Variants in MB21D2 observed in about 807,000 individuals in gnomAD.
The protein encoded by MB21D2 is Mab-21 domain containing 2, also known as nucleotidyltransferase MB21D2.
In MB21D2, 9 loss-of-function variants were observed where a neutral mutation model predicts 33.3. The ratio of observed to expected loss-of-function variants is 0.27; its 90% CI spans 0.16 to 0.47. MB21D2 has a LOEUF of 0.47. Ranked by LOEUF, MB21D2 falls within the 20% of genes least tolerant of loss-of-function variation. The probability of loss-of-function intolerance (pLI) is 0.99; values close to 1 mark genes in which losing one functional copy is unlikely to be tolerated. For synonymous variants in MB21D2, 241 were observed against 236.3 expected, an observed-to-expected ratio of 1.02 and a Z score of -0.18; for missense variants, 540 against 624.6, an observed-to-expected ratio of 0.86 and a Z score of 1.44.
chr3:192,849,893 G>A (rs940802392), intron 1 of MB21D2, among the ~76,000 whole-genome samples: 2 of 151,150 alleles, frequency 1.3e-5, no homozygotes, highest in African/African-American at 2.4e-5. Context: ...TAAACTGTCA[G>A]AGACAGAAAC....
chr3:192,898,183 C>A (rs1431168208), intron 1 of MB21D2, among the ~76,000 whole-genome samples: 1 of 148,392 alleles, frequency 6.7e-6, no homozygotes. Context: ...AAAAAAAAAA[C>A]TGACAGCAAA....
intron 1 of MB21D2, among the ~76,000 whole-genome samples, chr3:192,865,939 G>A (rs903769470): frequency 1.4e-4 from 22 of 152,106 alleles, no homozygotes; most frequent in Non-Finnish European, 3.1e-4. Context: ...CAGCCACTCT[G>A]GAAGCTGAGG....
At chr3:192,821,297 G>A (rs766577752) in intron 1 of MB21D2, among the ~76,000 whole-genome samples, 7 of 152,182 alleles carry the variant, frequency 4.6e-5, no homozygotes, top group Non-Finnish European at 1.0e-4. Flanking sequence ...CAGTGGATCT[G>A]ATAGCTGAAC....
chr3:192,904,530 G>A (rs572383598), intron 1 of MB21D2, among the ~76,000 whole-genome samples: 2 of 151,628 alleles, frequency 1.3e-5, no homozygotes, highest in South Asian at 2.1e-4. Context: ...CCTTGGCTGC[G>A]GTTCTTAAAG....
intron 1 of MB21D2, among the ~76,000 whole-genome samples, chr3:192,837,650 C>T (rs947629540): frequency 2.6e-5 from 4 of 152,096 alleles, no homozygotes; most frequent in Non-Finnish European, 5.9e-5. Context: ...GAGTCTGGGC[C>T]GTCTGCATCT....
At chr3:192,826,719 T>A (rs985212855) in intron 1 of MB21D2, among the ~76,000 whole-genome samples, 2 of 152,146 alleles carry the variant, frequency 1.3e-5, no homozygotes, top group Non-Finnish European at 2.9e-5. Flanking sequence ...TCTCCCTGCA[T>A]CTCTGGTATT....
intron 1 of MB21D2, among the ~76,000 whole-genome samples, chr3:192,915,423 AT>A (rs993410257): frequency 6.6e-6 from 1 of 152,078 alleles, no homozygotes; most frequent in African/African-American, 2.4e-5. Context: ...CCAGCATCTC[AT>A]TAAAGGAAAG....
chr3:192,878,093 T>G (rs1268264523), intron 1 of MB21D2, among the ~76,000 whole-genome samples: 5 of 140,388 alleles, frequency 3.6e-5, no homozygotes, highest in Admixed American at 2.1e-4. Context: ...TTTTTTTTTT[T>G]TTTTTTTTGG....
chr3:192,817,269 T>TACA (rs1711948051), intron 1 of MB21D2, among the ~76,000 whole-genome samples: 1 of 152,190 alleles, frequency 6.6e-6, no homozygotes, highest in Non-Finnish European at 1.5e-5. Context: ...CATGCAGTGC[T>TACA]TTGTAATGCA....
chr3:192,867,180 A>G (rs1252681457), intron 1 of MB21D2, among the ~76,000 whole-genome samples: 1 of 152,102 alleles, frequency 6.6e-6, no homozygotes. Flanking sequence ...CTGCTCAAAT[A>G]AGGAGCTGTA....
chr3:192,808,946 T>C (rs1420583401), intron 1 of MB21D2, among the ~76,000 whole-genome samples: 3 of 152,030 alleles, frequency 2.0e-5, no homozygotes, highest in African/African-American at 7.3e-5. Context: ...GAGTTTATAG[T>C]ACACATTTGA....
At chr3:192,812,988 C>G (rs575696664) in intron 1 of MB21D2, among the ~76,000 whole-genome samples, 1 of 152,136 alleles carries the variant, frequency 6.6e-6, no homozygotes, top group Non-Finnish European at 1.5e-5. Context: ...TGGGCTTGGA[C>G]GTCTTACAAT....
At chr3:192,898,578 C>G (rs891285174) in intron 1 of MB21D2, among the ~76,000 whole-genome samples, 4 of 152,022 alleles carry the variant, frequency 2.6e-5, no homozygotes, top group African/African-American at 9.7e-5. Context: ...GTGAACCACC[C>G]AATTGCCCAA....
intron 1 of MB21D2, among the ~76,000 whole-genome samples, chr3:192,814,830 A>C (rs1489134004): frequency 1.3e-5 from 2 of 150,346 alleles, no homozygotes; most frequent in Admixed American, 6.7e-5. Flanking sequence ...GTGCCACTGC[A>C]TTCCAGCCTG....
At position 192,838,690 on chromosome 3, in the gene MB21D2, A is replaced by C. The variant is rs528805636; in HGVS notation, c.212-39040T>G. Among the ~76,000 whole-genome samples the C allele has an allele frequency of 2.6e-5, 4 of 152,260 alleles. No individual in the cohort carries two copies. In the South Asian group the frequency reaches 8.3e-4, roughly 32 times the overall value. ...TGATCTGCCCACCTCGGCCTCCCAA[A>C]GTGCTGGGATTACAGGTGTGAGCCA... On this transcript the variant is annotated intron_variant, in intron 1 of 1. Coordinates refer to ENST00000392452, the MANE Select transcript of MB21D2 (RefSeq NM_178496.4).
chr3:192,917,556 C>T (rs1253957518), intron 1 of MB21D2, 74 bp downstream of exon 1: 4 of 1,515,942 alleles, frequency 2.6e-6, no homozygotes, highest in Non-Finnish European at 3.6e-6. Flanking sequence ...GGTCGAGAAG[C>T]GGCAATGGGT....
chr3:192,864,800 C>T (rs1018307074), intron 1 of MB21D2, among the ~76,000 whole-genome samples: 15 of 152,184 alleles, frequency 9.9e-5, no homozygotes, highest in African/African-American at 3.6e-4. Flanking sequence ...AGCCACCATG[C>T]CTGATCCCAA....
At chr3:192,852,032 T>C (rs557922464) in intron 1 of MB21D2, among the ~76,000 whole-genome samples, 2 of 152,316 alleles carry the variant, frequency 1.3e-5, no homozygotes, top group East Asian at 3.9e-4. Flanking sequence ...CAAAGTTTTA[T>C]CCCCCAGGCA....
chr3:192,913,433 A>G (rs544004830), intron 1 of MB21D2, among the ~76,000 whole-genome samples: 7 of 152,228 alleles, frequency 4.6e-5, no homozygotes, highest in Non-Finnish European at 8.8e-5. Context: ...TTTAAATAAT[A>G]AACTCACGTA....
Sources: allele counts gnomAD v4.1 joint callset (sites outside exome capture counted in the v4.1 genomes callset), GRCh38; gene constraint gnomAD v4.1.1; transcripts MANE v1.5; gene names NCBI Gene and HGNC (gene_info 2026-07-23, HGNC 2026-07-21).